The following ADCY2 variants were observed in gnomAD, a reference collection of about 807,000 sequenced individuals.
ADCY2 encodes the protein adenylate cyclase 2.
A neutral mutation model predicts 125.2 loss-of-function variants in ADCY2; 31 were observed. The ratio of observed to expected loss-of-function variants is 0.25; its 90% CI spans 0.19 to 0.33. ADCY2 has a LOEUF of 0.33. Ranked by LOEUF, ADCY2 falls within the 10% of genes least tolerant of loss-of-function variation. The pLI is 1.00. For synonymous variants in ADCY2, 512 were observed against 548.4 expected, an observed-to-expected ratio of 0.93 and a Z score of 0.93; for missense variants, 904 against 1,418.2, an observed-to-expected ratio of 0.64 and a Z score of 5.82.
At chr5:7,497,132 A>G (rs532722889) in intron 2 of ADCY2, among the ~76,000 whole-genome samples, 100 of 152,334 alleles carry the variant, frequency 6.6e-4, no homozygotes, top group South Asian at 2.9e-3. Context: ...TTTAAAAAGT[A>G]TCAAATTTCC....
intron 3 of ADCY2, among the ~76,000 whole-genome samples, chr5:7,595,871 T>C (rs774116122): frequency 6.6e-6 from 1 of 152,146 alleles, no homozygotes; most frequent in Admixed American, 6.6e-5. Flanking sequence ...CAAGAAAAAG[T>C]CTGTACATAT....
At chr5:7,521,516 GT>G (rs1426436977) in intron 3 of ADCY2, among the ~76,000 whole-genome samples, 2 of 152,188 alleles carry the variant, frequency 1.3e-5, no homozygotes, top group Admixed American at 6.5e-5. Flanking sequence ...ATGATTTGGA[GT>G]TATTCCTAAC....
chr5:7,397,659 T>C (rs779799533), intron 1 of ADCY2, among the ~76,000 whole-genome samples: 15 of 152,196 alleles, frequency 9.9e-5, no homozygotes, highest in Middle Eastern at 6.8e-3. Flanking sequence ...CAGATGGTGT[T>C]CAAATGTTAT....
Position 7,396,763 on chromosome 5 carries a change from G to T in ADCY2, c.210+257G>T, listed in dbSNP as rs981091988. Among the ~76,000 whole-genome samples the T allele has an allele frequency of 2.0e-5, 3 of 152,186 alleles. No individual in the cohort carries two copies. Among genetic ancestry groups the T allele is most frequent in the African/African-American group, 7.2e-5 (3 of 41,476 alleles). Reference sequence around the variant, plus strand: ...AAAGTTCCCGAGGTGTTCACCAGGTGGACGGGCAGGGCGTGTGCTTTTTGC... The same window carrying T: ...AAAGTTCCCGAGGTGTTCACCAGGTTGACGGGCAGGGCGTGTGCTTTTTGC... On this transcript the variant is annotated intron_variant, in intron 1 of 24. Coordinates refer to ENST00000338316, the MANE Select transcript of ADCY2 (RefSeq NM_020546.3). The surrounding 1 kb of genome is among the most constrained non-coding windows in gnomAD (Gnocchi z 5.7).
chr5:7,448,955 T>C (rs1346709705), intron 2 of ADCY2, among the ~76,000 whole-genome samples: 1 of 152,202 alleles, frequency 6.6e-6, no homozygotes, highest in Non-Finnish European at 1.5e-5. Context: ...TATGTATCTT[T>C]ATAATAGAAT....
intron 2 of ADCY2, among the ~76,000 whole-genome samples, chr5:7,492,697 G>C (rs936637457): frequency 6.6e-6 from 1 of 151,656 alleles, no homozygotes; most frequent in Non-Finnish European, 1.5e-5. Context: ...GGCCAGAGGA[G>C]GGAGGTTAAT....
intron 3 of ADCY2, among the ~76,000 whole-genome samples, chr5:7,593,030 C>T (rs985680054): frequency 1.3e-5 from 2 of 152,142 alleles, no homozygotes; most frequent in Non-Finnish European, 2.9e-5. Context: ...ATTTTTGGCA[C>T]CAAACCTTGT....
At chr5:7,777,844 C>A (rs761006714) in intron 18 of ADCY2, among the ~76,000 whole-genome samples, 3 of 152,188 alleles carry the variant, frequency 2.0e-5, no homozygotes, top group Non-Finnish European at 4.4e-5. Context: ...GAAAAGTAGA[C>A]TTTTCAGGAG....
chr5:7,751,440 C>A (rs930351000), intron 15 of ADCY2, among the ~76,000 whole-genome samples: 1 of 152,178 alleles, frequency 6.6e-6, no homozygotes, highest in Non-Finnish European at 1.5e-5. Flanking sequence ...CCAGATGGGA[C>A]ATCCCTGCAC....
At chr5:7,499,148 C>A (rs1312533338) in intron 2 of ADCY2, among the ~76,000 whole-genome samples, 2 of 152,138 alleles carry the variant, frequency 1.3e-5, no homozygotes, top group Non-Finnish European at 2.9e-5. Flanking sequence ...GATGGGACTA[C>A]AGGCATGCGC....
At chr5:7,416,688 C>T (rs1017470628) in intron 2 of ADCY2, among the ~76,000 whole-genome samples, 7 of 152,174 alleles carry the variant, frequency 4.6e-5, no homozygotes, top group African/African-American at 1.7e-4. Flanking sequence ...TATGCATCAA[C>T]ATTGACCAAT....
intron 14 of ADCY2, among the ~76,000 whole-genome samples, chr5:7,727,502 A>G (rs1329304332): frequency 6.6e-6 from 1 of 152,182 alleles, no homozygotes; most frequent in Non-Finnish European, 1.5e-5. Context: ...GAAAAAAACA[A>G]TTTAACCTTC....
chr5:7,650,413 C>A (rs922808423), intron 4 of ADCY2, among the ~76,000 whole-genome samples: 3 of 152,068 alleles, frequency 2.0e-5, no homozygotes, highest in Non-Finnish European at 4.4e-5. Flanking sequence ...GTCTTTTGGA[C>A]CTCATGAGAA....
intron 2 of ADCY2, among the ~76,000 whole-genome samples, chr5:7,432,341 A>G (rs1456267151): frequency 6.6e-6 from 1 of 152,140 alleles, no homozygotes; most frequent in Non-Finnish European, 1.5e-5. Context: ...CTGACCTTCC[A>G]CTGAGCTGTT....
intron 1 of ADCY2, among the ~76,000 whole-genome samples, chr5:7,412,420 G>C (rs1185528719): frequency 6.6e-6 from 1 of 152,184 alleles, no homozygotes; most frequent in Non-Finnish European, 1.5e-5. Context: ...GGCACCATGT[G>C]TGCAGTGGTC....
intron 4 of ADCY2, among the ~76,000 whole-genome samples, chr5:7,684,740 T>C (rs1196044124): frequency 6.7e-6 from 1 of 150,252 alleles, no homozygotes; most frequent in East Asian, 2.0e-4. Flanking sequence ...CCACCTGGCT[T>C]CACTCCCTTG....
At chr5:7,525,978 A>T (rs1734444204) in intron 3 of ADCY2, among the ~76,000 whole-genome samples, 2 of 151,924 alleles carry the variant, frequency 1.3e-5, no homozygotes, top group African/African-American at 4.8e-5. Flanking sequence ...CCAGGCTCTG[A>T]CACCCCACAC....
At chr5:7,403,658 A>G (rs1229891158) in intron 1 of ADCY2, among the ~76,000 whole-genome samples, 1 of 152,160 alleles carries the variant, frequency 6.6e-6, no homozygotes, top group Non-Finnish European at 1.5e-5. Flanking sequence ...TGTAAACTTC[A>G]TATTGAAATT....
intron 14 of ADCY2, among the ~76,000 whole-genome samples, chr5:7,736,329 T>C (rs1461540855): frequency 6.6e-6 from 1 of 152,220 alleles, no homozygotes; most frequent in African/African-American, 2.4e-5. Context: ...GTTAATCTCT[T>C]TACTTTTTAT....
Sources: allele counts gnomAD v4.1 joint callset (sites outside exome capture counted in the v4.1 genomes callset), GRCh38; gene constraint gnomAD v4.1.1; non-coding constraint Gnocchi (gnomAD v3.1); transcripts MANE v1.5; gene names NCBI Gene and HGNC (gene_info 2026-07-23, HGNC 2026-07-21).